Variants in LMBR1 observed in about 807,000 individuals in gnomAD.
LMBR1 encodes limb development membrane protein 1, also known as limb region 1 protein homolog.
Under a neutral mutation model 73.9 loss-of-function variants are expected in LMBR1, and 52 were observed. The observed-to-expected ratio is 0.70, with a 90% CI of 0.56 to 0.89. The LOEUF (loss-of-function observed/expected upper bound fraction) is 0.89, where lower values mean the gene tolerates loss of function less well. Among genes scored for constraint, LMBR1 ranks in the 40% least tolerant of loss-of-function variants. The pLI is 0.00. For synonymous variants in LMBR1, 215 were observed against 209.4 expected (o/e 1.03, Z -0.23); for missense variants, 539 against 579.8 (o/e 0.93, Z 0.72).
In LMBR1 at chr7:156,826,959, G is replaced by A. The variant is rs73166178; in HGVS notation, c.180-215C>T. Among the ~76,000 whole-genome samples, 5,991 of 152,226 alleles carry A rather than the reference G, an allele frequency of 0.039. 174 individuals carry two copies. Among genetic ancestry groups the A allele is most frequent in the Non-Finnish European group, 0.049 (3,302 of 68,004 alleles). ...AACTCCTTACTCTATGAAAAGGTCA[G>A]TAAGTCTAACAAATAGTACCTAAAA... On this transcript the variant is annotated intron_variant, in intron 3 of 16. Coordinates refer to ENST00000353442, the MANE Select transcript of LMBR1 (RefSeq NM_022458.4).
In LMBR1 at chr7:156,734,195, T is replaced by C. The variant is rs1228173830; in HGVS notation, c.820A>G (p.Thr274Ala). Reference sequence around the variant, plus strand: ...ACAATACCTAATTTTGTCTTAAGAGTCTTTACATTTTCAAGTTCTTGTTCC... The same window carrying C: ...ACAATACCTAATTTTGTCTTAAGAGCCTTTACATTTTCAAGTTCTTGTTCC... ...ELEQELENVKTLKTKLERRKK... is the reference protein window; with the variant it reads ...ELEQELENVKALKTKLERRKK... The change falls in exon 10 of 17, where the codon ACT (threonine) becomes GCT (alanine). Residue 274 changes from threonine (T) to alanine (A), a missense_variant. Coordinates refer to ENST00000353442, the MANE Select transcript of LMBR1 (RefSeq NM_022458.4). 1.9e-6 allele frequency: 3 copies of C among 1,607,524 alleles called. No individual in the cohort carries two copies. The Admixed American group carries it at 5.1e-5, about 27-fold the overall frequency.
chr7:156,745,497 G>T (rs1219513035), intron 9 of LMBR1, among the ~76,000 whole-genome samples: 1 of 152,188 alleles, frequency 6.6e-6, no homozygotes, highest in Non-Finnish European at 1.5e-5. Context: ...GGACCAACTG[G>T]CCAGAAAAAC....
At chr7:156,675,970 G>C, downstream of LMBR1, 2 of 1,183,210 alleles carry the variant, frequency 1.7e-6, no homozygotes, top group Non-Finnish European at 2.4e-6. Context: ...GGGAGCCTAG[G>C]AGTGTCAGGC....
At position 156,682,371 on chromosome 7, in the gene LMBR1, C is replaced by G. The variant is rs372375570; in HGVS notation, c.*1707G>C. 3 of 152,246 alleles carry G rather than the reference C, an allele frequency of 2.0e-5. No individual in the cohort carries two copies. The highest frequency in any genetic ancestry group is 3.9e-4 in the East Asian group (2 of 5,186). The allele number at this position is 152,246 out of a possible 1,614,324, so 9.4% of individuals were successfully genotyped here. On this transcript the variant is annotated 3_prime_UTR_variant, in exon 17 of 17. Transcript: ENST00000353442. Reference sequence around the variant, plus strand: ...ACTTGGTCTGCTCAAAGTATGGACTCCAAGCTTCACTAAAAATCAAACCTG... The same window carrying G: ...ACTTGGTCTGCTCAAAGTATGGACTGCAAGCTTCACTAAAAATCAAACCTG...
intron 15 of LMBR1, among the ~76,000 whole-genome samples, chr7:156,707,763 T>C (rs1811265967): frequency 6.6e-6 from 1 of 152,016 alleles, no homozygotes. Flanking sequence ...CCAAAAATCA[T>C]AAGAACTGGA....
chr7:156,807,348 T>C (rs1374925171), intron 4 of LMBR1, among the ~76,000 whole-genome samples: 2 of 152,230 alleles, frequency 1.3e-5, no homozygotes, highest in African/African-American at 4.8e-5. Flanking sequence ...TAAATCCTCC[T>C]GGCCTAAAGC....
rs1168259253 is a variant in LMBR1, at chr7:156,893,031, G to A, written c.-38C>T. On this transcript the variant is annotated 5_prime_UTR_variant, in exon 1 of 17. The change creates a new upstream start codon in the 5' untranslated region. Coordinates refer to ENST00000353442, the MANE Select transcript of LMBR1 (RefSeq NM_022458.4). ...CCGCCGCCGCGCCGCCCGCGTCCGCGTGCTCCGCCACACCATCGTCCGCCC... is the reference window on the plus strand; with the variant it reads ...CCGCCGCCGCGCCGCCCGCGTCCGCATGCTCCGCCACACCATCGTCCGCCC... The A allele has an allele frequency of 2.1e-6, 3 of 1,455,702 alleles. No homozygotes were observed. The highest frequency in any genetic ancestry group is 2.7e-5 in the South Asian group (2 of 73,530). The allele number at this position is 1,455,702 out of a possible 1,614,324, so 90.2% of individuals were successfully genotyped here.
chr7:156,776,915 G>C (rs577206609), intron 5 of LMBR1, among the ~76,000 whole-genome samples: 2 of 151,246 alleles, frequency 1.3e-5, no homozygotes, highest in Non-Finnish European at 2.9e-5. Flanking sequence ...GCTGACTTTA[G>C]CAATTTTCAC....
rs534759982 is a variant in LMBR1, at chr7:156,760,967, G to A, written c.684+1167C>T. On this transcript the variant is annotated intron_variant, in intron 8 of 16. Transcript: ENST00000353442. The stretch of plus-strand genomic sequence containing the variant: ...ACTTTAATTCTTTGTCCTTGAAGAA[G>A]CAAGGCAACGTTCAAAGCTATGTAG... Among the ~76,000 whole-genome samples, 12 of 152,324 alleles carry A rather than the reference G, an allele frequency of 7.9e-5. No homozygotes were observed. The East Asian group carries it at 1.9e-3, about 24-fold the overall frequency.
chr7:156,847,172 A>G (rs1335906488), intron 1 of LMBR1, among the ~76,000 whole-genome samples: 1 of 152,218 alleles, frequency 6.6e-6, no homozygotes. Context: ...AGCAAAGGCT[A>G]TATAATGAAG....
chr7:156,745,534 G>A (rs989837360), intron 9 of LMBR1, among the ~76,000 whole-genome samples: 1 of 152,158 alleles, frequency 6.6e-6, no homozygotes, highest in African/African-American at 2.4e-5. Flanking sequence ...AACCTCGCTG[G>A]GTCTCTCTAG....
intron 8 of LMBR1, among the ~76,000 whole-genome samples, chr7:156,758,700 C>T (rs1406497912): frequency 6.6e-6 from 1 of 152,226 alleles, no homozygotes; most frequent in East Asian, 1.9e-4. Flanking sequence ...TCCTGAAGCA[C>T]TAGCCAGAGG....
At chr7:156,719,737 T>C (rs917835255) in intron 15 of LMBR1, among the ~76,000 whole-genome samples, 35 of 152,252 alleles carry the variant, frequency 2.3e-4, no homozygotes, top group African/African-American at 8.4e-4. Flanking sequence ...AACAGCATGG[T>C]ACTGGTACCA....
chr7:156,892,929 G>A lies in LMBR1; in HGVS notation c.65C>T (p.Thr22Met), dbSNP rs764947202. The A allele has an allele frequency of 6.5e-7, 1 of 1,530,388 alleles. No individual in the cohort carries two copies. Among genetic ancestry groups the A allele is most frequent in the Non-Finnish European group, 8.7e-7 (1 of 1,146,418 alleles). The allele number at this position is 1,530,388 out of a possible 1,614,324, so 94.8% of individuals were successfully genotyped here. A position where few individuals can be genotyped will look rare whatever the true frequency, so the allele number is the denominator to read the frequency against. The change falls in exon 1 of 17, where the codon ACG becomes ATG. Residue 22 changes from threonine (T) to methionine (M), a missense_variant and splice_region_variant. This residue lies in a region of LMBR1 where 454 missense variants were observed against 473.4 expected (regional missense o/e 0.96). Coordinates refer to ENST00000353442, the MANE Select transcript of LMBR1 (RefSeq NM_022458.4). Reference protein sequence around the residue: ...QHFHSQVRESTICFLLFAILY... With the variant: ...QHFHSQVRESMICFLLFAILY... ...AGGGCTGCCTCGGTCCCCACGCACC[G>A]TGGACTCCCGCACTTGGCTGTGGAA...
intron 10 of LMBR1, among the ~76,000 whole-genome samples, chr7:156,732,317 G>A (rs1315585792): frequency 6.6e-6 from 1 of 152,156 alleles, no homozygotes; most frequent in East Asian, 1.9e-4. Flanking sequence ...TGTCTTGAGA[G>A]TTTCCAGGCC....
At chr7:156,889,819 C>G (rs1170365605) in intron 1 of LMBR1, among the ~76,000 whole-genome samples, 2 of 152,078 alleles carry the variant, frequency 1.3e-5, no homozygotes, top group Non-Finnish European at 2.9e-5. Context: ...TGAGACCTCA[C>G]CTCTACAAAA....
At chr7:156,707,411 A>T (rs1811198587) in intron 15 of LMBR1, among the ~76,000 whole-genome samples, 1 of 152,206 alleles carries the variant, frequency 6.6e-6, no homozygotes, top group Admixed American at 6.5e-5. Flanking sequence ...TCTGATACCC[A>T]AACAGACAAG....
chr7:156,824,309 C>G (rs543924964), intron 4 of LMBR1, among the ~76,000 whole-genome samples: 1 of 152,160 alleles, frequency 6.6e-6, no homozygotes, highest in South Asian at 2.1e-4. Context: ...CAGAAGCTTA[C>G]GGGATTGCTA....
intron 9 of LMBR1, among the ~76,000 whole-genome samples, chr7:156,737,317 C>T (rs1231143044): frequency 6.6e-6 from 1 of 152,134 alleles, no homozygotes; most frequent in Non-Finnish European, 1.5e-5. Flanking sequence ...AAGTCTGAAG[C>T]TATTCTTATT....
Sources: allele counts gnomAD v4.1 joint callset (sites outside exome capture counted in the v4.1 genomes callset), GRCh38; gene constraint gnomAD v4.1.1; regional missense constraint gnomAD v4.1.1; transcripts MANE v1.5; gene names NCBI Gene and HGNC (gene_info 2026-07-23, HGNC 2026-07-21).